The following HEATR5B variants were observed in gnomAD, a reference collection of about 807,000 sequenced individuals.
The protein encoded by HEATR5B is HEAT repeat containing 5B.
In HEATR5B, 156 loss-of-function variants were observed where a neutral mutation model predicts 224.1. The ratio of observed to expected loss-of-function variants is 0.70; its 90% CI spans 0.61 to 0.80. HEATR5B has a LOEUF of 0.80. Among genes scored for constraint, HEATR5B ranks in the 30% least tolerant of loss-of-function variants. The probability of loss-of-function intolerance (pLI) is 0.00; values close to 1 mark genes in which losing one functional copy is unlikely to be tolerated. For missense variants in HEATR5B, 2,323 were observed against 2,535.5 expected, an observed-to-expected ratio of 0.92 and a Z score of 1.80; for synonymous variants, 1,027 against 893.0, an observed-to-expected ratio of 1.15 and a Z score of -2.68.
chr2:37,032,569 C>G (rs934547607), intron 22 of HEATR5B, 60 bp downstream of exon 22: 10 of 1,395,486 alleles, frequency 7.2e-6, no homozygotes, highest in Middle Eastern at 1.8e-4. Flanking sequence ...ATAAATAGTA[C>G]TTAACTGAAA....
rs1445246494 is a variant in HEATR5B, at chr2:37,020,697, T to G, written c.3993A>C (p.Pro1331=). 1.9e-6 allele frequency: 3 copies of G among 1,595,758 alleles called. No homozygotes were observed. Among genetic ancestry groups the G allele is most frequent in the Non-Finnish European group, 2.6e-6 (3 of 1,175,840 alleles). The change falls in exon 25 of 36, where the codon CCA becomes CCC. Residue 1331 remains proline (P), a synonymous_variant. Transcript: ENST00000233099. The part of the protein sequence containing the change: ...IIKKFASVPE[P]EFPGHVILEQ... ...CCAGTATCACATGACCTGGAAATTC[T>G]GGCTCAGGCACAGACGCAAACTTCT...
intron 33 of HEATR5B, among the ~76,000 whole-genome samples, chr2:36,998,165 T>A (rs1241471248): frequency 1.3e-5 from 2 of 152,224 alleles, no homozygotes; most frequent in Non-Finnish European, 2.9e-5. Flanking sequence ...AGATGACAAA[T>A]CCTTCTTTAC....
intron 24 of HEATR5B, among the ~76,000 whole-genome samples, chr2:37,021,886 C>T (rs76202951): frequency 7.9e-6 from 1 of 126,522 alleles, no homozygotes; most frequent in Non-Finnish European, 1.7e-5. Flanking sequence ...GACCCTGTTT[C>T]AAAAAAAAAA....
intron 18 of HEATR5B, among the ~76,000 whole-genome samples, chr2:37,042,328 T>C (rs1319961339): frequency 6.6e-6 from 1 of 152,200 alleles, no homozygotes; most frequent in African/African-American, 2.4e-5. Context: ...TTTCAACATT[T>C]TGGGGTACCA....
chr2:37,022,329 C>A (rs1357574961), intron 24 of HEATR5B, among the ~76,000 whole-genome samples: 1 of 152,122 alleles, frequency 6.6e-6, no homozygotes, highest in African/African-American at 2.4e-5. Flanking sequence ...CAGGCACCCA[C>A]CACCACGCCC....
intron 5 of HEATR5B, among the ~76,000 whole-genome samples, chr2:37,072,916 A>G (rs1446814031): frequency 6.6e-6 from 1 of 152,236 alleles, no homozygotes; most frequent in Non-Finnish European, 1.5e-5. Flanking sequence ...AAGAAGAAAC[A>G]GATAACCTGA....
intron 27 of HEATR5B, among the ~76,000 whole-genome samples, chr2:37,010,489 T>C (rs921312188): frequency 6.0e-5 from 9 of 150,988 alleles, no homozygotes; most frequent in Non-Finnish European, 1.0e-4. Context: ...GAGTACATGC[T>C]TGTTTCCCCC....
chr2:37,065,813 C>G lies in HEATR5B; in HGVS notation c.1275G>C (p.Gly425=), dbSNP rs201075485. Reference sequence around the variant, plus strand: ...TGGCATTCAAGCTCTGCACCAGGCTCCCGAGTTCCTGGAGGGCACAGACCA... The same window carrying G: ...TGGCATTCAAGCTCTGCACCAGGCTGCCGAGTTCCTGGAGGGCACAGACCA... ...HVMVCALQEL[G]SLVQSLNATA... is the part of the protein sequence containing the mutation. Residue 425 remains glycine (G), a synonymous_variant, in exon 9 of 36, where the codon GGG becomes GGC. Transcript: ENST00000233099. 1.2e-6 allele frequency: 2 copies of G among 1,613,984 alleles called. No homozygotes were observed. The highest frequency in any genetic ancestry group is 8.5e-7 in the Non-Finnish European group (1 of 1,179,938).
chr2:37,021,770 C>T (rs1219552284), intron 24 of HEATR5B, among the ~76,000 whole-genome samples: 1 of 151,674 alleles, frequency 6.6e-6, no homozygotes, highest in African/African-American at 2.4e-5. Flanking sequence ...ACCTGTAGTC[C>T]CAGCTACTCA....
At position 36,984,200 on chromosome 2, in the gene HEATR5B, C is replaced by CAAAAAA. The variant is rs1208435239; in HGVS notation, c.5912-2412_5912-2407dup. Among the ~76,000 whole-genome samples the CAAAAAA allele has an allele frequency of 5.8e-3, 168 of 28,960 alleles. 1 individual carries two copies. The highest frequency in any genetic ancestry group is 9.8e-3 in the Non-Finnish European group (152 of 15,432). The allele number at this position is 28,960 out of a possible 152,430, so 19.0% of individuals were successfully genotyped here. ...GGGCAACAAGAGTGAAACTCTGTCT[C>CAAAAAA]AAAAAAAAAAAAAAAATATATATAT... On this transcript the variant is annotated intron_variant, in intron 35 of 35. Transcript: ENST00000233099.
Position 37,027,938 on chromosome 2 carries a change from G to C in HEATR5B, c.3838C>G (p.Leu1280Val), listed in dbSNP as rs747947910. The change falls in exon 24 of 36, where the codon CTT becomes GTT. Residue 1280 changes from leucine to valine, a missense_variant. Around this residue, in one of 12 missense-constraint regions of HEATR5B, gnomAD observed 339 missense variants for 378.4 expected, o/e 0.90. Transcript: ENST00000233099. ...TTAAATTTACTTGTAGGGTTTCGAA[G>C]TTTAGCAGAACGTGCCAAGGCAAGA... Reference protein sequence around the residue: ...FDLALARSAKLRNPTNDLLVL... With the variant: ...FDLALARSAKVRNPTNDLLVL... The C allele has an allele frequency of 9.3e-6, 15 of 1,613,748 alleles. No homozygotes were observed. In the Middle Eastern group the frequency reaches 4.9e-4, roughly 53 times the overall value.
intron 35 of HEATR5B, among the ~76,000 whole-genome samples, chr2:36,987,681 T>C (rs1017892327): frequency 6.6e-6 from 1 of 152,184 alleles, no homozygotes; most frequent in African/African-American, 2.4e-5. Context: ...AGTTTTGAGA[T>C]ATTTTAATAA....
At chr2:37,024,297 G>A (rs1363296861) in intron 24 of HEATR5B, among the ~76,000 whole-genome samples, 1 of 151,110 alleles carries the variant, frequency 6.6e-6, no homozygotes, top group Non-Finnish European at 1.5e-5. Flanking sequence ...TTAAATAGGA[G>A]GAATAAGTGT....
rs1667802580 is a variant in HEATR5B at position 37,011,757 on chromosome 2, G to C, written c.4284+2084C>G. ...TCTTTACTTAGCATTGGGAATCCTA[G>C]AAAGATGAAATACAGCTTTCGAAGA... is the stretch of plus-strand genomic sequence containing the variant. On this transcript the variant is annotated intron_variant, in intron 27 of 35. Coordinates refer to ENST00000233099, the MANE Select transcript of HEATR5B (RefSeq NM_019024.3). Among the ~76,000 whole-genome samples the C allele has an allele frequency of 2.0e-5, 3 of 152,102 alleles. No homozygotes were observed. The South Asian group carries it at 6.2e-4, about 32-fold the overall frequency.
intron 25 of HEATR5B, 144 bp downstream of exon 25, chr2:37,020,511 G>GT: frequency 1.9e-6 from 1 of 515,768 alleles, no homozygotes; most frequent in Non-Finnish European, 3.3e-6. Context: ...CTAAAACTAG[G>GT]TAACAGACAA....
rs1056949088 is a variant in HEATR5B at position 37,032,616 on chromosome 2, T to TA, written c.3361+12dup. The TA allele has an allele frequency of 1.9e-6, 3 of 1,602,306 alleles. No individual in the cohort carries two copies. The African/African-American group carries it at 4.0e-5, about 22-fold the overall frequency. On this transcript the variant is annotated intron_variant, in intron 22 of 35. Transcript: ENST00000233099. ...TTAAACAAAAAACAATATTGACCAATAATATAACTTACTGGCACTACTGCT... is the reference window on the plus strand; with the variant it reads ...TTAAACAAAAAACAATATTGACCAATAAATATAACTTACTGGCACTACTGCT...
At chr2:37,053,700 G>C in intron 16 of HEATR5B, 93 bp from the exon 17 acceptor site, 1 of 626,068 alleles carries the variant, frequency 1.6e-6, no homozygotes. Flanking sequence ...TAATTGTTTA[G>C]CAAATAATTC....
chr2:37,036,420 T>C (rs1326228778), intron 21 of HEATR5B, among the ~76,000 whole-genome samples: 1 of 152,230 alleles, frequency 6.6e-6, no homozygotes, highest in East Asian at 1.9e-4. Flanking sequence ...CATGTATTTT[T>C]CTTCCTGTCT....
chr2:37,003,910 A>C (rs942079012), intron 30 of HEATR5B, among the ~76,000 whole-genome samples: 2 of 152,228 alleles, frequency 1.3e-5, no homozygotes, highest in African/African-American at 4.8e-5. Flanking sequence ...TTACATATTT[A>C]AATGTGCTTT....
Sources: allele counts gnomAD v4.1 joint callset (sites outside exome capture counted in the v4.1 genomes callset), GRCh38; gene constraint gnomAD v4.1.1; regional missense constraint gnomAD v4.1.1; transcripts MANE v1.5; gene names NCBI Gene and HGNC (gene_info 2026-07-23, HGNC 2026-07-21).